The following MCU variants were observed in gnomAD, a reference collection of about 807,000 sequenced individuals.
The protein encoded by MCU is mitochondrial calcium uniporter, also known as calcium uniporter protein, mitochondrial.
MCU carries 12 observed loss-of-function variants against 45.2 expected under a neutral mutation model. The observed-to-expected ratio is 0.27, with a 90% CI of 0.17 to 0.43. MCU has a LOEUF of 0.43. Among genes scored for constraint, MCU ranks in the 20% least tolerant of loss-of-function variants. The pLI, the probability that MCU is intolerant of heterozygous loss-of-function variation, is 1.00. For synonymous variants in MCU, 160 were observed against 165.1 expected, an observed-to-expected ratio of 0.97 and a Z score of 0.24; for missense variants, 324 against 436.7, an observed-to-expected ratio of 0.74 and a Z score of 2.30.
At chr10:72,885,126 G>T (rs1262115808) in intron 7 of MCU, among the ~76,000 whole-genome samples, 2 of 152,098 alleles carry the variant, frequency 1.3e-5, no homozygotes. Flanking sequence ...GGCCTAAGTG[G>T]AGTTCTGTCT....
intron 1 of MCU, chr10:72,692,820 C>T (rs1209586121): frequency 2.8e-6 from 4 of 1,422,126 alleles, no homozygotes; most frequent in Admixed American, 2.9e-5. Context: ...CCCTCGTCCT[C>T]TCTCGTCCCC....
intron 1 of MCU, among the ~76,000 whole-genome samples, chr10:72,704,651 C>T (rs1166618611): frequency 6.6e-6 from 1 of 151,414 alleles, no homozygotes; most frequent in Admixed American, 6.6e-5. Context: ...GATCCTCCTG[C>T]CTCAGCATCC....
intron 1 of MCU, among the ~76,000 whole-genome samples, chr10:72,707,647 G>GTGTGTGTGTGTA (rs71021526): frequency 0.01 from 1,481 of 146,974 alleles, 55 homozygotes; most frequent in African/African-American, 0.034. Context: ...GTGTGTGTGT[G>GTGTGTGTGTGTA]TTTCCCACCA....
intron 1 of MCU, among the ~76,000 whole-genome samples, chr10:72,746,296 A>G (rs1413816180): frequency 2.6e-5 from 4 of 152,240 alleles, no homozygotes; most frequent in African/African-American, 9.6e-5. Context: ...CAGGCTTAAA[A>G]TGAAAAAATA....
chr10:72,713,348 C>T (rs1438485756), intron 1 of MCU, among the ~76,000 whole-genome samples: 2 of 152,144 alleles, frequency 1.3e-5, no homozygotes, highest in Non-Finnish European at 2.9e-5. Flanking sequence ...GGCGCAATCT[C>T]GGCTCACTGC....
intron 1 of MCU, among the ~76,000 whole-genome samples, chr10:72,727,725 G>C (rs1040906946): frequency 1.3e-5 from 2 of 152,020 alleles, no homozygotes; most frequent in East Asian, 1.9e-4. Flanking sequence ...GGGTTTATAG[G>C]AATGAACATG....
intron 1 of MCU, among the ~76,000 whole-genome samples, chr10:72,803,723 C>G (rs1315708056): frequency 6.6e-6 from 1 of 151,948 alleles, no homozygotes; most frequent in East Asian, 1.9e-4. Context: ...TACCCCCACT[C>G]ATTTTTTTGC....
intron 1 of MCU, among the ~76,000 whole-genome samples, chr10:72,810,610 G>A (rs1015546872): frequency 4.6e-5 from 7 of 151,392 alleles, no homozygotes; most frequent in Non-Finnish European, 8.8e-5. Context: ...TGGGATTACA[G>A]GCGCCTGCCA....
chr10:72,823,019 T>C (rs1008069057), intron 1 of MCU, among the ~76,000 whole-genome samples: 1 of 152,152 alleles, frequency 6.6e-6, no homozygotes, highest in Non-Finnish European at 1.5e-5. Flanking sequence ...TAGATAGCTA[T>C]CCAAGAAGAA....
At chr10:72,706,478 A>G (rs1842821070) in intron 1 of MCU, among the ~76,000 whole-genome samples, 1 of 151,982 alleles carries the variant, frequency 6.6e-6, no homozygotes, top group African/African-American at 2.4e-5. Context: ...ATTACAGTAC[A>G]AAAGTGTCGG....
chr10:72,796,476 A>C (rs116170290), intron 1 of MCU, among the ~76,000 whole-genome samples: 1,661 of 152,282 alleles, frequency 0.011, 42 homozygotes, highest in African/African-American at 0.038. Flanking sequence ...AATTAAGGAG[A>C]TATCCTATCG....
chr10:72,880,508 A>G (rs1036005484), intron 6 of MCU, among the ~76,000 whole-genome samples: 9 of 152,146 alleles, frequency 5.9e-5, no homozygotes, highest in Admixed American at 3.9e-4. Flanking sequence ...AAATATATGT[A>G]TAAAAAATGT....
At chr10:72,703,928 TAAAA>T (rs1413640108) in intron 1 of MCU, among the ~76,000 whole-genome samples, 4 of 151,658 alleles carry the variant, frequency 2.6e-5, no homozygotes, top group Non-Finnish European at 5.9e-5. Flanking sequence ...AAAAAACAAC[TAAAA>T]AAAAGTTTCA....
At chr10:72,737,522 T>A (rs1218613589) in intron 1 of MCU, among the ~76,000 whole-genome samples, 1 of 140,942 alleles carries the variant, frequency 7.1e-6, no homozygotes, top group Admixed American at 7.2e-5. Flanking sequence ...TTTTCTTTCC[T>A]TTTTTTTTTT....
intron 1 of MCU, chr10:72,731,067 C>T (rs568748636): frequency 1.3e-5 from 2 of 152,308 alleles, no homozygotes; most frequent in Admixed American, 6.5e-5. Flanking sequence ...GGATTATAGG[C>T]GTGAGCCATC....
At chr10:72,857,384 C>T (rs910956665) in intron 2 of MCU, among the ~76,000 whole-genome samples, 4 of 151,926 alleles carry the variant, frequency 2.6e-5, no homozygotes, top group African/African-American at 4.8e-5. Flanking sequence ...GGACTACAAG[C>T]GTGCACCACC....
intron 1 of MCU, among the ~76,000 whole-genome samples, chr10:72,826,222 C>T (rs141787155): frequency 3.0e-4 from 45 of 152,044 alleles, no homozygotes; most frequent in African/African-American, 1.0e-3. Flanking sequence ...ATGCTGATGC[C>T]CCAGGTCCAT....
At chr10:72,816,815 A>G (rs1258743665) in intron 1 of MCU, among the ~76,000 whole-genome samples, 1 of 152,210 alleles carries the variant, frequency 6.6e-6, no homozygotes, top group Admixed American at 6.5e-5. Flanking sequence ...CTTCATTACA[A>G]AAGAATCTTC....
chr10:72,763,374 G>A (rs891484742), intron 1 of MCU, among the ~76,000 whole-genome samples: 3 of 152,074 alleles, frequency 2.0e-5, no homozygotes, highest in African/African-American at 7.2e-5. Flanking sequence ...AGATCAGCTG[G>A]GTCTCAAACT....
Sources: gnomAD v4.1 joint callset for allele counts (sites outside exome capture counted in the v4.1 genomes callset) on GRCh38, gnomAD v4.1.1 for gene constraint, MANE v1.5 for transcripts, NCBI Gene and HGNC (gene_info 2026-07-23, HGNC 2026-07-21) for gene names.